The following MIER1 variants were observed in gnomAD, a reference collection of about 807,000 sequenced individuals.
The protein encoded by MIER1 is MIER1 transcriptional regulator.
Under a neutral mutation model 75.7 loss-of-function variants are expected in MIER1, and 40 were observed. The ratio of observed to expected loss-of-function variants is 0.53; its 90% CI spans 0.41 to 0.69. MIER1 has a LOEUF of 0.69. Ranked by LOEUF, MIER1 falls within the 30% of genes least tolerant of loss-of-function variation. The probability of loss-of-function intolerance (pLI) is 0.00; values close to 1 mark genes in which losing one functional copy is unlikely to be tolerated. For synonymous variants in MIER1, 213 were observed against 223.4 expected (o/e 0.95, Z 0.42); for missense variants, 574 against 680.2 (o/e 0.84, Z 1.74).
chr1:66,974,433 T>TG (rs1553255599), intron 11 of MIER1, among the ~76,000 whole-genome samples: 9 of 151,682 alleles, frequency 5.9e-5, no homozygotes, highest in South Asian at 2.1e-4. Context: ...AGGTTTTTTT[T>TG]TTGTTGTTGT....
At chr1:66,984,446 C>T in intron 13 of MIER1, 126 bp from the exon 14 acceptor site, 1 of 666,766 alleles carries the variant, frequency 1.5e-6, no homozygotes, top group East Asian at 2.7e-5. Context: ...AGTAATAGAG[C>T]AAGAATTTAG....
chr1:66,972,862 T>C lies in MIER1; in HGVS notation c.1007-35T>C, dbSNP rs761134783. ...TTGTTATATGCAATAATTGGGGGAA[T>C]ATTGCTTAACAGTTTGTTCCTCCCA... is the stretch of plus-strand genomic sequence containing the variant. On this transcript the variant is annotated intron_variant, in intron 10 of 13. Transcript: ENST00000401041. The C allele has an allele frequency of 4.6e-6, 5 of 1,096,092 alleles. No individual in the cohort carries two copies. The South Asian group carries it at 6.7e-5, about 15-fold the overall frequency. 67.9% of individuals were successfully genotyped at this position (1,096,092 alleles called of 1,614,324 possible). A position where few individuals can be genotyped will look rare whatever the true frequency, so the allele number is the denominator to read the frequency against.
intron 13 of MIER1, among the ~76,000 whole-genome samples, chr1:66,982,532 AAG>A (rs1377884036): frequency 1.3e-5 from 2 of 152,204 alleles, no homozygotes; most frequent in Admixed American, 6.5e-5. Context: ...GATCAGTAGT[AAG>A]AGCCAGAGAA....
intron 8 of MIER1, among the ~76,000 whole-genome samples, chr1:66,966,014 A>G (rs1309705244): frequency 1.3e-5 from 2 of 152,004 alleles, no homozygotes; most frequent in Admixed American, 1.3e-4. Flanking sequence ...ATGGCTGAAT[A>G]GCACTCTATT....
intron 8 of MIER1, among the ~76,000 whole-genome samples, chr1:66,969,391 A>G (rs914809715): frequency 1.3e-5 from 2 of 151,848 alleles, no homozygotes; most frequent in Non-Finnish European, 2.9e-5. Flanking sequence ...AAAAAATACA[A>G]AAACCTAGCC....
chr1:66,958,309 A>AT (rs1660575440), intron 5 of MIER1, 89 bp downstream of exon 5: 2 of 603,044 alleles, frequency 3.3e-6, no homozygotes, highest in Non-Finnish European at 4.8e-6. Flanking sequence ...TTGTCTTTAT[A>AT]ATCTTTTCCT....
intron 8 of MIER1, among the ~76,000 whole-genome samples, chr1:66,969,264 G>A (rs981609895): frequency 4.6e-5 from 7 of 151,890 alleles, no homozygotes; most frequent in Non-Finnish European, 7.4e-5. Context: ...AAAATAATAC[G>A]GCCGGGCGCG....
intron 8 of MIER1, among the ~76,000 whole-genome samples, chr1:66,965,559 C>G (rs928364606): frequency 1.3e-5 from 2 of 151,766 alleles, no homozygotes; most frequent in African/African-American, 4.8e-5. Context: ...GTATATAGTT[C>G]CGGGGTACGT....
chr1:66,969,784 C>T (rs1209205454), intron 8 of MIER1, among the ~76,000 whole-genome samples: 2 of 152,100 alleles, frequency 1.3e-5, no homozygotes, highest in African/African-American at 2.4e-5. Context: ...TCTAGCTACT[C>T]CCCTATCTCC....
chr1:66,959,624 A>T, intron 6 of MIER1, 55 bp from the exon 7 acceptor site: 1 of 813,194 alleles, frequency 1.2e-6, no homozygotes, highest in Non-Finnish European at 1.9e-6. Context: ...AATAATATGT[A>T]GATTTAGACA....
At position 66,963,080 on chromosome 1, in the gene MIER1, T is replaced by A. The variant is rs765427255; in HGVS notation, c.700-8T>A. The A allele has an allele frequency of 2.0e-5, 32 of 1,589,918 alleles. No individual in the cohort carries two copies. Among genetic ancestry groups the A allele is most frequent in the Non-Finnish European group, 2.1e-5 (24 of 1,159,242 alleles). ...TCTTACTAATGTTTTATGTTATTTT[T>A]AAAATAGGAGATTATGGTGGGCTCC... On this transcript the variant is annotated splice_region_variant and splice_polypyrimidine_tract_variant and intron_variant, in intron 7 of 13. Coordinates refer to ENST00000401041, the MANE Select transcript of MIER1 (RefSeq NM_001077700.3).
At chr1:66,939,651 G>A (rs1655709150) in intron 2 of MIER1, among the ~76,000 whole-genome samples, 1 of 152,058 alleles carries the variant, frequency 6.6e-6, no homozygotes, top group East Asian at 1.9e-4. Flanking sequence ...CAGCTTGATA[G>A]CAAACTTTGT....
At position 66,959,688 on chromosome 1, in the gene MIER1, TAGA is replaced by T. The variant is rs780640792; in HGVS notation, c.652_654del (p.Glu218del). On this transcript the variant is annotated inframe_deletion, in exon 7 of 14. Coordinates refer to ENST00000401041, the MANE Select transcript of MIER1 (RefSeq NM_001077700.3). ...GTCTTATTTATTCTAGATAGTGAAG[TAGA>T]AGAAGAATCTGAAGAAGATGAAGAT... 3.6e-6 allele frequency: 5 copies of T among 1,399,794 alleles called. No homozygotes were observed. The highest frequency in any genetic ancestry group is 1.5e-5 in the African/African-American group (1 of 67,000). 86.7% of individuals were successfully genotyped at this position (1,399,794 alleles called of 1,614,324 possible).
At chr1:66,932,608 T>A (rs1018597895) in intron 2 of MIER1, 1 of 152,180 alleles carries the variant, frequency 6.6e-6, no homozygotes, top group African/African-American at 2.4e-5. Context: ...GCTTTTACTT[T>A]GAGCTCTCAG....
intron 7 of MIER1, among the ~76,000 whole-genome samples, chr1:66,961,167 G>GT (rs1394661446): frequency 6.6e-6 from 1 of 152,016 alleles, no homozygotes; most frequent in Admixed American, 6.6e-5. Context: ...TTTTCTTTCA[G>GT]TATGATTTTG....
chr1:66,955,336 G>GATTT (rs1553249058), intron 4 of MIER1, among the ~76,000 whole-genome samples: 1 of 59,964 alleles, frequency 1.7e-5, no homozygotes, highest in Non-Finnish European at 2.8e-5. Context: ...CATCACCTGA[G>GATTT]TTTTTTTTTT....
chr1:66,973,489 G>C (rs1014894687), intron 11 of MIER1, among the ~76,000 whole-genome samples: 2 of 151,918 alleles, frequency 1.3e-5, no homozygotes, highest in Non-Finnish European at 2.9e-5. Flanking sequence ...CGATAAATCA[G>C]CTTTATATTC....
chr1:66,969,272 G>A (rs914862078), intron 8 of MIER1, among the ~76,000 whole-genome samples: 6 of 151,934 alleles, frequency 3.9e-5, no homozygotes, highest in African/African-American at 9.7e-5. Flanking sequence ...ACGGCCGGGC[G>A]CGGTGGCTCA....
intron 2 of MIER1, among the ~76,000 whole-genome samples, chr1:66,929,852 A>G (rs540514461): frequency 6.6e-6 from 1 of 152,380 alleles, no homozygotes; most frequent in East Asian, 1.9e-4. Flanking sequence ...TTCAAAGCAC[A>G]GTTCTTGCCG....
Sources: gnomAD v4.1 joint callset for allele counts (sites outside exome capture counted in the v4.1 genomes callset) on GRCh38, gnomAD v4.1.1 for gene constraint, MANE v1.5 for transcripts, NCBI Gene and HGNC (gene_info 2026-07-23, HGNC 2026-07-21) for gene names.